The following CD83 variants were observed in gnomAD, a reference collection of about 807,000 sequenced individuals.
CD83 encodes CD83 antigen.
In CD83, 22 loss-of-function variants were observed where a neutral mutation model predicts 24.6. The ratio of observed to expected loss-of-function variants is 0.90; its 90% CI spans 0.64 to 1.28. The LOEUF (loss-of-function observed/expected upper bound fraction) is 1.28. Among genes scored for constraint, CD83 ranks in the 50% most tolerant of loss-of-function variants. The pLI is 0.00. For synonymous variants in CD83, 101 were observed against 103.5 expected, an observed-to-expected ratio of 0.98 and a Z score of 0.14; for missense variants, 253 against 252.8, an observed-to-expected ratio of 1.00 and a Z score of -0.01.
At chr6:14,119,380 T>A (rs991550293) in intron 2 of CD83, among the ~76,000 whole-genome samples, 1 of 152,250 alleles carries the variant, frequency 6.6e-6, no homozygotes, top group Admixed American at 6.5e-5. Flanking sequence ...AACAATAGTA[T>A]TTTTAAAAAT....
intron 2 of CD83, among the ~76,000 whole-genome samples, chr6:14,121,537 T>C (rs543578325): frequency 2.2e-4 from 32 of 146,278 alleles, no homozygotes; most frequent in Admixed American, 1.8e-3. Context: ...CCCAGCATTT[T>C]GGGAGGCGAA....
rs1441685893 is a variant in CD83, at chr6:14,131,647, T to G, written c.281T>G (p.Ile94Ser). The change falls in exon 3 of 5, where the codon ATC becomes AGC. Residue 94 changes from isoleucine (I) to serine (S), a missense_variant. By Grantham distance (142) the Ile-to-Ser change is moderately radical (BLOSUM62 -2). Transcript: ENST00000379153. ...APNERPYSLKIRNTTSCNSGT... is the reference protein window; with the variant it reads ...APNERPYSLKSRNTTSCNSGT... ...AATGAAAGGCCCTATTCCCTGAAGA[T>G]CCGAAACACTACCAGCTGCAACTCG... 1 of 1,614,114 alleles carries G rather than the reference T, an allele frequency of 6.2e-7. No individual in the cohort carries two copies. Among genetic ancestry groups the G allele is most frequent in the East Asian group, 2.2e-5 (1 of 44,888 alleles).
Position 14,117,913 on chromosome 6 carries a change from G to T in CD83, c.38-37G>T, listed in dbSNP as rs761957759. Reference sequence around the variant, plus strand: ...CCCCTCCACGACACCCCCTCCCGTCGGTCGCTTGCTCACGACGCGCTCTCT... The same window carrying T: ...CCCCTCCACGACACCCCCTCCCGTCTGTCGCTTGCTCACGACGCGCTCTCT... On this transcript the variant is annotated intron_variant, in intron 1 of 4. Coordinates refer to ENST00000379153, the MANE Select transcript of CD83 (RefSeq NM_004233.4). The surrounding 1 kb of genome is among the most constrained non-coding windows in gnomAD (Gnocchi z 4.6). 1.9e-6 allele frequency: 3 copies of T among 1,587,426 alleles called. No homozygotes were observed. The highest frequency in any genetic ancestry group is 2.6e-6 in the Non-Finnish European group (3 of 1,170,322).
At chr6:14,123,298 C>T (rs1427526484) in intron 2 of CD83, among the ~76,000 whole-genome samples, 3 of 151,910 alleles carry the variant, frequency 2.0e-5, no homozygotes, top group Non-Finnish European at 4.4e-5. Flanking sequence ...AGGGTTTCAC[C>T]ATGTTGGCCA....
In CD83 at chr6:14,135,187, C is replaced by T; in HGVS notation, c.569C>T (p.Pro190Leu). The change falls in exon 5 of 5, where the codon CCA becomes CTA. Residue 190 changes from proline to leucine, a missense_variant. By Grantham distance (98) the Pro-to-Leu change is moderately conservative (BLOSUM62 -3). Transcript: ENST00000379153. ...CGAGCTTTTCTCCCAGTTACCTCCC[C>T]AAATAAGCATTTAGGGCTAGTGACT... ...MERAFLPVTS[P>L]NKHLGLVTPH... The T allele has an allele frequency of 1.2e-6, 2 of 1,613,448 alleles. No individual in the cohort carries two copies. Among genetic ancestry groups the T allele is most frequent in the Non-Finnish European group, 1.7e-6 (2 of 1,179,364 alleles).
rs1758045534 is a variant in CD83, at chr6:14,136,183, T to C, written c.*947T>C. 6.6e-6 allele frequency: 1 copy of C among 152,232 alleles called. No homozygotes were observed. The highest frequency in any genetic ancestry group is 6.5e-5 in the Admixed American group (1 of 15,290). The allele number at this position is 152,232 out of a possible 1,614,324, so 9.4% of individuals were successfully genotyped here. On this transcript the variant is annotated 3_prime_UTR_variant, in exon 5 of 5. Coordinates refer to ENST00000379153, the MANE Select transcript of CD83 (RefSeq NM_004233.4). ...CTGTTGCATGGGCTAATGAAGATCA[T>C]ATACGTGAAAATTATTTGAAAACAT...
rs1252404759 is a variant in CD83, at chr6:14,131,646, A to G, written c.280A>G (p.Ile94Val). The G allele has an allele frequency of 6.2e-7, 1 of 1,614,006 alleles. No homozygotes were observed. The highest frequency in any genetic ancestry group is 1.3e-5 in the African/African-American group (1 of 74,890). ...APNERPYSLKIRNTTSCNSGT... is the reference protein window; with the variant it reads ...APNERPYSLKVRNTTSCNSGT... The stretch of plus-strand genomic sequence containing the variant: ...CAATGAAAGGCCCTATTCCCTGAAG[A>G]TCCGAAACACTACCAGCTGCAACTC... Residue 94 changes from isoleucine (I) to valine (V), a missense_variant, in exon 3 of 5, where the codon ATC (isoleucine) becomes GTC (valine). Ile to Val is a conservative substitution (Grantham distance 29). Coordinates refer to ENST00000379153, the MANE Select transcript of CD83 (RefSeq NM_004233.4).
intron 2 of CD83, among the ~76,000 whole-genome samples, chr6:14,120,810 C>T (rs1048476231): frequency 6.6e-6 from 1 of 152,222 alleles, no homozygotes; most frequent in African/African-American, 2.4e-5. Context: ...TGTTTTTTAT[C>T]ATATGCCTTT....
intron 4 of CD83, among the ~76,000 whole-genome samples, 181 bp from the exon 5 acceptor site, chr6:14,134,927 A>G (rs1758010824): frequency 1.3e-5 from 2 of 152,230 alleles, no homozygotes. Context: ...CTCCTGGTCC[A>G]AGTTTAGAGA....
At chr6:14,133,552 C>G in intron 3 of CD83, 97 bp from the exon 4 acceptor site, 1 of 755,846 alleles carries the variant, frequency 1.3e-6, no homozygotes, top group African/African-American at 1.7e-5. Flanking sequence ...AGGAGACAAG[C>G]AGGACTCCAG....
At chr6:14,123,634 T>C (rs1759723323) in intron 2 of CD83, among the ~76,000 whole-genome samples, 1 of 151,088 alleles carries the variant, frequency 6.6e-6, no homozygotes, top group African/African-American at 2.4e-5. Context: ...AAGTCTCATC[T>C]AGATGAGAAT....
chr6:14,120,083 T>A (rs1759636310), intron 2 of CD83, among the ~76,000 whole-genome samples: 1 of 152,222 alleles, frequency 6.6e-6, no homozygotes, highest in South Asian at 2.1e-4. Flanking sequence ...TAGGCGTTCT[T>A]TTTTTCCTGT....
At position 14,135,096 on chromosome 6, in the gene CD83, A is replaced by C; in HGVS notation, c.490-12A>C. On this transcript the variant is annotated splice_polypyrimidine_tract_variant and intron_variant, in intron 4 of 4. Transcript: ENST00000379153. ...CAATTATTCACTTCACATTTCTTTCATTTCTTTTTAGAAGTTTGCACGGCT... is the reference window on the plus strand; with the variant it reads ...CAATTATTCACTTCACATTTCTTTCCTTTCTTTTTAGAAGTTTGCACGGCT... The C allele has an allele frequency of 5.0e-6, 8 of 1,613,042 alleles. No individual in the cohort carries two copies. Among genetic ancestry groups the C allele is most frequent in the Non-Finnish European group, 6.8e-6 (8 of 1,179,554 alleles).
chr6:14,117,879 C>T lies in CD83; in HGVS notation c.37+31C>T, dbSNP rs747662904. 58 of 1,574,872 alleles carry T rather than the reference C, an allele frequency of 3.7e-5. No homozygotes were observed. Among genetic ancestry groups the T allele is most frequent in the Non-Finnish European group, 4.9e-5 (57 of 1,166,270 alleles). Reference sequence around the variant, plus strand: ...GCTCGCGAGCGCCTGTCTCGCCTGTCGCCCCCCGCCCCTCCACGACACCCC... The same window carrying T: ...GCTCGCGAGCGCCTGTCTCGCCTGTTGCCCCCCGCCCCTCCACGACACCCC... On this transcript the variant is annotated intron_variant, in intron 1 of 4. Coordinates refer to ENST00000379153, the MANE Select transcript of CD83 (RefSeq NM_004233.4). This position sits in a 1 kb window ranked among gnomAD's most constrained non-coding sequence, Gnocchi z 4.6.
Position 14,135,373 on chromosome 6 carries a change from A to AAGGG in CD83, c.*138_*141dup. On this transcript the variant is annotated 3_prime_UTR_variant, in exon 5 of 5. Coordinates refer to ENST00000379153, the MANE Select transcript of CD83 (RefSeq NM_004233.4). ...CCTTCACCTCACTGAAAACATCTGG[A>AAGGG]AGGGGATCCCACCCCATTTTCTGTG... 1.1e-6 allele frequency: 1 copy of AAGGG among 946,944 alleles called. No individual in the cohort carries two copies. The highest frequency in any genetic ancestry group is 1.6e-6 in the Non-Finnish European group (1 of 643,190). 58.7% of individuals were successfully genotyped at this position (946,944 alleles called of 1,614,324 possible).
intron 2 of CD83, among the ~76,000 whole-genome samples, chr6:14,124,538 G>A (rs930597022): frequency 6.6e-6 from 1 of 152,158 alleles, no homozygotes; most frequent in Non-Finnish European, 1.5e-5. Flanking sequence ...AGGAGTGGGA[G>A]GCATGTAAGC....
intron 3 of CD83, among the ~76,000 whole-genome samples, 165 bp from the exon 4 acceptor site, chr6:14,133,484 G>A (rs991276324): frequency 1.3e-5 from 2 of 152,232 alleles, no homozygotes; most frequent in African/African-American, 2.4e-5. Context: ...AGTGCGCGCC[G>A]GCTGCTGCTG....
intron 2 of CD83, among the ~76,000 whole-genome samples, chr6:14,131,012 C>G (rs75605309): frequency 0.027 from 4,066 of 152,274 alleles, 181 homozygotes; most frequent in African/African-American, 0.09. Context: ...TGACTGTTCG[C>G]AGGAGGCGTT....
At chr6:14,127,197 CA>C (rs963235329) in intron 2 of CD83, among the ~76,000 whole-genome samples, 10 of 152,190 alleles carry the variant, frequency 6.6e-5, no homozygotes, top group Non-Finnish European at 1.2e-4. Context: ...ACCATGTTGG[CA>C]AGGCTGGTCT....
Sources: gnomAD v4.1 joint callset for allele counts (sites outside exome capture counted in the v4.1 genomes callset) on GRCh38, gnomAD v4.1.1 for gene constraint, Gnocchi (gnomAD v3.1) non-coding constraint, MANE v1.5 for transcripts, NCBI Gene and HGNC (gene_info 2026-07-23, HGNC 2026-07-21) for gene names.